MEX3C: variants seen among roughly 807,000 people sequenced by gnomAD.
MEX3C encodes the protein RNA-binding E3 ubiquitin-protein ligase MEX3C.
A neutral mutation model predicts 35.5 loss-of-function variants in MEX3C; 15 were observed. The ratio of observed to expected loss-of-function variants is 0.42; its 90% CI spans 0.28 to 0.65. The LOEUF (loss-of-function observed/expected upper bound fraction) is 0.65, where lower values mean the gene tolerates loss of function less well. Among genes scored for constraint, MEX3C ranks in the 30% least tolerant of loss-of-function variants. The pLI, the probability that MEX3C is intolerant of heterozygous loss-of-function variation, is 0.20. For missense variants in MEX3C, 711 were observed against 842.8 expected, an observed-to-expected ratio of 0.84 and a Z score of 1.94; for synonymous variants, 390 against 352.8, an observed-to-expected ratio of 1.11 and a Z score of -1.18.
chr18:51,183,978 G>A (rs562337567), intron 1 of MEX3C, among the ~76,000 whole-genome samples: 136 of 152,248 alleles, frequency 8.9e-4, no homozygotes, highest in Middle Eastern at 3.4e-3. Flanking sequence ...TCCAGCCTGG[G>A]CAACAGAGTG....
chr18:51,176,521 G>C lies in MEX3C; in HGVS notation c.1810C>G (p.Arg604Gly). 1.9e-6 allele frequency: 3 copies of C among 1,613,972 alleles called. No homozygotes were observed. Among genetic ancestry groups the C allele is most frequent in the Non-Finnish European group, 2.5e-6 (3 of 1,179,886 alleles). ...AAGCAAATCACACAGTCGTGCTTTC[G>C]TCTTGATTCTGGAGGTGAGCTAGAG... is the stretch of plus-strand genomic sequence containing the variant. ...STSSSPPESR[R>G]KHDCVICFEN... The change falls in exon 2 of 2, where the codon CGA (arginine) becomes GGA (glycine). Residue 604 changes from arginine to glycine, a missense_variant. Arg to Gly is a moderately radical substitution (Grantham distance 125). This residue lies in a region of MEX3C where 87 missense variants were observed against 150.4 expected (regional missense o/e 0.58). Coordinates refer to ENST00000406189, the MANE Select transcript of MEX3C (RefSeq NM_016626.5).
At chr18:51,179,509 T>C (rs547577565) in intron 1 of MEX3C, among the ~76,000 whole-genome samples, 16 of 151,724 alleles carry the variant, frequency 1.1e-4, no homozygotes, top group Non-Finnish European at 1.8e-4. Flanking sequence ...ACTCTGAAAA[T>C]CTGAAATGCT....
At chr18:51,192,445 C>T (rs78956132) in intron 1 of MEX3C, among the ~76,000 whole-genome samples, 2,639 of 152,164 alleles carry the variant, frequency 0.017, 78 homozygotes, top group African/African-American at 0.06. Flanking sequence ...TATATATATA[C>T]GCAAATTAAC....
chr18:51,189,795 C>T (rs1846980974), intron 1 of MEX3C, among the ~76,000 whole-genome samples: 1 of 152,160 alleles, frequency 6.6e-6, no homozygotes, highest in Admixed American at 6.5e-5. Flanking sequence ...GTAAATGATT[C>T]TCTTCCAGAC....
chr18:51,181,404 T>G (rs566169860), intron 1 of MEX3C, among the ~76,000 whole-genome samples: 55 of 152,156 alleles, frequency 3.6e-4, no homozygotes, highest in African/African-American at 1.3e-3. Flanking sequence ...AACATCAAAG[T>G]AAATATACAA....
At position 51,190,976 on chromosome 18, in the gene MEX3C, T is replaced by C. The variant is rs143026791; in HGVS notation, c.754+5591A>G. On this transcript the variant is annotated intron_variant, in intron 1 of 1. Transcript: ENST00000406189. ...CACTTAAGGATCACCTGAATATCAA[T>C]GGAGATTTAAACATAACTATCCATG... Among the ~76,000 whole-genome samples the C allele has an allele frequency of 2.6e-3, 402 of 152,298 alleles. 1 individual carries two copies. Among genetic ancestry groups the C allele is most frequent in the Middle Eastern group, 0.014 (4 of 294 alleles).
At position 51,196,558 on chromosome 18, in the gene MEX3C, T is replaced by A. The variant is rs1200765381; in HGVS notation, c.754+9A>T. On this transcript the variant is annotated intron_variant, in intron 1 of 1. Coordinates refer to ENST00000406189, the MANE Select transcript of MEX3C (RefSeq NM_016626.5). ...ATGCCCAGCTGGACCTCCCCACCCCTGCACTCACCCTGGCGGCCGACGATC... is the reference window on the plus strand; with the variant it reads ...ATGCCCAGCTGGACCTCCCCACCCCAGCACTCACCCTGGCGGCCGACGATC... The A allele has an allele frequency of 3.2e-6, 5 of 1,572,554 alleles. No individual in the cohort carries two copies. Among genetic ancestry groups the A allele is most frequent in the Non-Finnish European group, 4.3e-6 (5 of 1,166,718 alleles).
rs1233982111 is a variant in MEX3C, at chr18:51,197,243, CGGCGGCGGCGGG to C, written c.66_77del (p.Pro28_Pro31del). ...GCGGCGGCAGAGGCGGCGGTGGCGG[CGGCGGCGGCGGG>C]GGCGGCTGCGGCAGGGGGGCCGGGG... On this transcript the variant is annotated inframe_deletion, in exon 1 of 2. Coordinates refer to ENST00000406189, the MANE Select transcript of MEX3C (RefSeq NM_016626.5). 4.1e-6 allele frequency: 4 copies of C among 975,968 alleles called. No homozygotes were observed. Among genetic ancestry groups the C allele is most frequent in the Non-Finnish European group, 4.9e-6 (4 of 823,060 alleles). The allele number at this position is 975,968 out of a possible 1,614,324, so 60.5% of individuals were successfully genotyped here.
In MEX3C at chr18:51,196,918, C is replaced by T; in HGVS notation, c.403G>A (p.Glu135Lys). Residue 135 changes from glutamate to lysine, a missense_variant, in exon 1 of 2, where the codon GAG becomes AAG. This residue lies in a region of MEX3C where 354 missense variants were observed against 311.6 expected (regional missense o/e 1.14). Transcript: ENST00000406189. ...LEEEELEEAE[E>K]EDRSSLLLLS... ...AGCAGCAGCGACGACCGGTCCTCCT[C>T]CTCTGCTTCCTCCAGCTCCTCCTCC... 9 of 1,543,982 alleles carry T rather than the reference C, an allele frequency of 5.8e-6. No individual in the cohort carries two copies. Among genetic ancestry groups the T allele is most frequent in the Non-Finnish European group, 7.9e-6 (9 of 1,146,048 alleles).
At chr18:51,180,727 C>T (rs1311821455) in intron 1 of MEX3C, among the ~76,000 whole-genome samples, 1 of 152,192 alleles carries the variant, frequency 6.6e-6, no homozygotes, top group African/African-American at 2.4e-5. Flanking sequence ...AGGTGATCTG[C>T]CCGCGTTGGC....
rs199644325 is a variant in MEX3C at position 51,178,129 on chromosome 18, T to TA, written c.755-554dup. 4.4e-3 allele frequency among the ~76,000 whole-genome samples: 648 copies of TA among 147,942 alleles called. 12 individuals carry two copies. Among genetic ancestry groups the TA allele is most frequent in the Admixed American group, 0.037 (546 of 14,782 alleles). On this transcript the variant is annotated intron_variant, in intron 1 of 1. Coordinates refer to ENST00000406189, the MANE Select transcript of MEX3C (RefSeq NM_016626.5). ...GTGAGACAGCTGTAAAGGGCTGGAA[T>TA]AAAAAAAAAAGTAATATAGAATGAT...
intron 1 of MEX3C, among the ~76,000 whole-genome samples, chr18:51,192,473 A>C (rs1465684839): frequency 6.6e-6 from 1 of 152,184 alleles, no homozygotes; most frequent in Non-Finnish European, 1.5e-5. Flanking sequence ...ACTACAAATG[A>C]CAGTAAATTT....
In MEX3C at chr18:51,182,245, C is replaced by T. The variant is rs113187312; in HGVS notation, c.755-4669G>A. Among the ~76,000 whole-genome samples the T allele has an allele frequency of 2.6e-3, 389 of 152,226 alleles. 3 individuals carry two copies. The highest frequency in any genetic ancestry group is 8.2e-3 in the African/African-American group (339 of 41,524). ...TGTATATATAGGGTTTGGTACTCTG[C>T]GGTTTCAAGCATCCACTTAAGGTCT... On this transcript the variant is annotated intron_variant, in intron 1 of 1. Coordinates refer to ENST00000406189, the MANE Select transcript of MEX3C (RefSeq NM_016626.5).
chr18:51,178,749 C>T (rs979064809), intron 1 of MEX3C, among the ~76,000 whole-genome samples: 1 of 151,528 alleles, frequency 6.6e-6, no homozygotes. Context: ...AATCCCAGCT[C>T]CTTGAGAGGC....
chr18:51,191,886 C>G (rs1375173922), intron 1 of MEX3C, among the ~76,000 whole-genome samples: 2 of 152,108 alleles, frequency 1.3e-5, no homozygotes, highest in African/African-American at 4.8e-5. Context: ...CACAGCTGAA[C>G]AGAGACTGTC....
chr18:51,183,374 ATTGAG>A lies in MEX3C; in HGVS notation c.755-5803_755-5799del, dbSNP rs1912470010. 3.9e-5 allele frequency among the ~76,000 whole-genome samples: 6 copies of A among 152,342 alleles called. No individual in the cohort carries two copies. In the South Asian group the frequency reaches 1.2e-3, roughly 32 times the overall value. On this transcript the variant is annotated intron_variant, in intron 1 of 1. Coordinates refer to ENST00000406189, the MANE Select transcript of MEX3C (RefSeq NM_016626.5). ...CAGAAAAAGCACCATGTGATAAAGA[ATTGAG>A]TTAATATTTAGGTCACCAGTAGTGT...
intron 1 of MEX3C, among the ~76,000 whole-genome samples, chr18:51,191,790 A>AG (rs1330951255): frequency 1.3e-5 from 2 of 152,138 alleles, no homozygotes; most frequent in African/African-American, 4.8e-5. Flanking sequence ...TCTGAAGCCT[A>AG]GGGAGTTTAA....
intron 1 of MEX3C, chr18:51,196,361 T>C (rs1912786756): frequency 1.7e-6 from 2 of 1,210,430 alleles, no homozygotes; most frequent in Non-Finnish European, 2.2e-6. Flanking sequence ...TCACACTTTT[T>C]ACCAGGCAAG....
intron 1 of MEX3C, chr18:51,195,068 T>C (rs1375117193): frequency 1.4e-5 from 2 of 143,420 alleles, no homozygotes; most frequent in Non-Finnish European, 1.5e-5. Context: ...TAACTTCACA[T>C]TCTCAATACC....
Sources: allele counts gnomAD v4.1 joint callset (sites outside exome capture counted in the v4.1 genomes callset), GRCh38; gene constraint gnomAD v4.1.1; regional missense constraint gnomAD v4.1.1; transcripts MANE v1.5; gene names NCBI Gene and HGNC (gene_info 2026-07-23, HGNC 2026-07-21).